RHCG: variants seen among roughly 807,000 people sequenced by gnomAD.
RHCG encodes Rh family C glycoprotein, also known as ammonium transporter Rh type C.
Under a neutral mutation model 55.3 loss-of-function variants are expected in RHCG, and 39 were observed. The observed-to-expected ratio is 0.70, with a 90% confidence interval of 0.55 to 0.92. The LOEUF (loss-of-function observed/expected upper bound fraction) is 0.92. Ranked by LOEUF, RHCG falls within the 40% of genes least tolerant of loss-of-function variation. The probability of loss-of-function intolerance (pLI) is 0.00; values close to 1 mark genes in which losing one functional copy is unlikely to be tolerated. For synonymous variants in RHCG, 250 were observed against 246.8 expected, an observed-to-expected ratio of 1.01 and a Z score of -0.12; for missense variants, 635 against 627.9, an observed-to-expected ratio of 1.01 and a Z score of -0.12.
chr15:89,480,422 G>A lies in RHCG; in HGVS notation c.523-14C>T, dbSNP rs751217017. 39 of 1,608,812 alleles carry A rather than the reference G, an allele frequency of 2.4e-5. No homozygotes were observed. In the Admixed American group the frequency reaches 6.5e-4, roughly 27 times the overall value. On this transcript the variant is annotated splice_polypyrimidine_tract_variant and intron_variant, in intron 3 of 10. Transcript: ENST00000268122. ...TGCATCCTTCACCTGGGGTGCAAGG[G>A]GCCTGTCAGACTCTGGCACCTTCTC...
chr15:89,473,531 G>A (rs1166604290), intron 9 of RHCG, among the ~76,000 whole-genome samples: 1 of 152,186 alleles, frequency 6.6e-6, no homozygotes, highest in African/African-American at 2.4e-5. Context: ...GGTACAGCCA[G>A]CCCTCCATAC....
At position 89,480,278 on chromosome 15, in the gene RHCG, T is replaced by C. The variant is rs1453064519; in HGVS notation, c.653A>G (p.Asp218Gly). 1 of 1,613,994 alleles carries C rather than the reference T, an allele frequency of 6.2e-7. No individual in the cohort carries two copies. The highest frequency in any genetic ancestry group is 8.5e-7 in the Non-Finnish European group (1 of 1,179,978). The change falls in exon 4 of 11, where the codon GAC becomes GGC. Residue 218 changes from aspartate to glycine, a missense_variant. By Grantham distance (94) the Asp-to-Gly change is moderately conservative (BLOSUM62 -1). Transcript: ENST00000268122. ...GTTCTCACCAATCATGGCAAAGAGG[T>C]CCGACTGGTACACAGAATTCTGTCT... Reference protein sequence around the residue: ...KERQNSVYQSDLFAMIGTLFL... With the variant: ...KERQNSVYQSGLFAMIGTLFL...
chr15:89,491,426 A>G (rs368889348), intron 1 of RHCG, among the ~76,000 whole-genome samples: 45 of 152,280 alleles, frequency 3.0e-4, no homozygotes, highest in African/African-American at 1.0e-3. Context: ...CAGCATCAAA[A>G]TGTATCCATT....
At chr15:89,480,514 G>T (rs911261438) in intron 3 of RHCG, 106 bp from the exon 4 acceptor site, 2 of 1,358,376 alleles carry the variant, frequency 1.5e-6, no homozygotes, top group East Asian at 2.3e-5. Flanking sequence ...CAGCCTTCTC[G>T]GACTCTTCAG....
At chr15:89,472,380 C>T (rs1296877243) in intron 10 of RHCG, among the ~76,000 whole-genome samples, 2 of 152,138 alleles carry the variant, frequency 1.3e-5, no homozygotes, top group Non-Finnish European at 2.9e-5. Context: ...ATGAGGAAAT[C>T]GAGGCCCAGT....
rs371115346 is a variant in RHCG, at chr15:89,479,457, G to A, written c.702C>T (p.Ser234=). ...GTLFLWMYWP[S]FNSAISYHGD... is the part of the protein sequence containing the mutation. The stretch of plus-strand genomic sequence containing the variant: ...CATGGTAGGATATGGCTGAGTTGAA[G>A]CTGGGCCAGTACATCCACAGGAAGA... Residue 234 remains serine, a synonymous_variant, in exon 5 of 11, where the codon AGC becomes AGT. Coordinates refer to ENST00000268122, the MANE Select transcript of RHCG (RefSeq NM_016321.3). 44 of 1,613,614 alleles carry A rather than the reference G, an allele frequency of 2.7e-5. No individual in the cohort carries two copies. The highest frequency in any genetic ancestry group is 3.6e-5 in the Non-Finnish European group (43 of 1,179,854).
At chr15:89,476,882 C>T (rs1212775238) in intron 8 of RHCG, 54 bp from the exon 9 acceptor site, 7 of 1,564,854 alleles carry the variant, frequency 4.5e-6, no homozygotes, top group Non-Finnish European at 6.2e-6. Context: ...CTCTGCTCAC[C>T]CCAGCCATTT....
At chr15:89,484,100 C>T (rs1478966236) in intron 2 of RHCG, among the ~76,000 whole-genome samples, 1 of 151,990 alleles carries the variant, frequency 6.6e-6, no homozygotes, top group African/African-American at 2.4e-5. Flanking sequence ...GGGGGTCTGT[C>T]ACATCTAGAA....
intron 1 of RHCG, among the ~76,000 whole-genome samples, 159 bp from the exon 2 acceptor site, chr15:89,487,144 A>C (rs1381790509): frequency 1.3e-5 from 2 of 151,530 alleles, no homozygotes; most frequent in Non-Finnish European, 2.9e-5. Flanking sequence ...CCCCACCCCC[A>C]CATCTGAACC....
chr15:89,484,779 C>CAA lies in RHCG; in HGVS notation c.372-1564_372-1563dup, dbSNP rs59658119. The stretch of plus-strand genomic sequence containing the variant: ...TGGGTGATAGAGCAAAACTCAGTCT[C>CAA]AAAAAAAAAAAAAAAAAAAATGGAG... On this transcript the variant is annotated intron_variant, in intron 2 of 10. Transcript: ENST00000268122. Among the ~76,000 whole-genome samples, 297 of 101,384 alleles carry CAA rather than the reference C, an allele frequency of 2.9e-3. 5 individuals are homozygous for CAA. The highest frequency in any genetic ancestry group is 9.4e-3 in the African/African-American group (265 of 28,154). The allele number at this position is 101,384 out of a possible 152,430, so 66.5% of individuals were successfully genotyped here.
intron 3 of RHCG, among the ~76,000 whole-genome samples, chr15:89,481,192 G>GGC (rs1961259895): frequency 6.6e-6 from 1 of 152,238 alleles, no homozygotes; most frequent in South Asian, 2.1e-4. Flanking sequence ...GCTCATGCCT[G>GGC]TAATCCCAGC....
Position 89,480,189 on chromosome 15 carries a change from C to T in RHCG, c.670+72G>A, listed in dbSNP as rs922114568. The T allele has an allele frequency of 2.6e-5, 42 of 1,594,212 alleles. No individual in the cohort carries two copies. In the East Asian group the frequency reaches 9.2e-4, roughly 35 times the overall value. On this transcript the variant is annotated intron_variant, in intron 4 of 10. Transcript: ENST00000268122. ...ACCCATCATGGTGGCCTTCACCCAT[C>T]ATGGCTGCCTTCACCCATCATGGCC...
rs766392481 is a variant in RHCG, at chr15:89,493,144, T to A, written c.184+3217A>T. On this transcript the variant is annotated intron_variant, in intron 1 of 10. Coordinates refer to ENST00000268122, the MANE Select transcript of RHCG (RefSeq NM_016321.3). ...CTGCTTCGGCCTCATGACACAGTCC[T>A]CCCGGTGTTTGAAACCAGAGCTTCC... Among the ~76,000 whole-genome samples, 3 of 152,272 alleles carry A rather than the reference T, an allele frequency of 2.0e-5. No homozygotes were observed. The East Asian group carries it at 5.8e-4, about 29-fold the overall frequency.
intron 3 of RHCG, 149 bp from the exon 4 acceptor site, chr15:89,480,557 C>G (rs575655349): frequency 3.4e-6 from 3 of 875,904 alleles, no homozygotes; most frequent in Non-Finnish European, 5.3e-6. Flanking sequence ...CTTCACGGAC[C>G]AATCAACTGG....
At chr15:89,474,336 C>G (rs942779046) in intron 9 of RHCG, among the ~76,000 whole-genome samples, 1 of 152,148 alleles carries the variant, frequency 6.6e-6, no homozygotes, top group Non-Finnish European at 1.5e-5. Flanking sequence ...CATGAAGTTA[C>G]CTTATAGTAG....
chr15:89,493,044 C>T (rs1020812569), intron 1 of RHCG, among the ~76,000 whole-genome samples: 2 of 152,200 alleles, frequency 1.3e-5, no homozygotes, highest in Non-Finnish European at 2.9e-5. Context: ...GTGATGCACC[C>T]GAATGGGATC....
Position 89,477,567 on chromosome 15 carries a change from C to T in RHCG, c.1062G>A (p.Val354=). 1 of 1,614,148 alleles carries T rather than the reference C, an allele frequency of 6.2e-7. No homozygotes were observed. Among genetic ancestry groups the T allele is most frequent in the South Asian group, 1.1e-5 (1 of 91,082 alleles). ...HGIPGIIGGI[V]GAVTAASASL... ...TGGCGGAGGCCGCTGTCACAGCACCCACGATGCCGCCTATGATGCCAGGAA... is the reference window on the plus strand; with the variant it reads ...TGGCGGAGGCCGCTGTCACAGCACCTACGATGCCGCCTATGATGCCAGGAA... Residue 354 remains valine, a synonymous_variant, in exon 7 of 11, where the codon GTG becomes GTA. Coordinates refer to ENST00000268122, the MANE Select transcript of RHCG (RefSeq NM_016321.3). The surrounding 1 kb of genome is among the most constrained non-coding windows in gnomAD (Gnocchi z 4.5).
chr15:89,486,295 C>T (rs1187942794), intron 2 of RHCG: 3 of 456,586 alleles, frequency 6.6e-6, no homozygotes, highest in East Asian at 1.4e-4. Flanking sequence ...AGTCCCCATT[C>T]GGTGTTTCCT....
rs748931576 is a variant in RHCG, at chr15:89,476,765, A to G, written c.1301T>C (p.Val434Ala). 7 of 1,614,042 alleles carry G rather than the reference A, an allele frequency of 4.3e-6. No homozygotes were observed. Among genetic ancestry groups the G allele is most frequent in the Non-Finnish European group, 5.9e-6 (7 of 1,179,930 alleles). Residue 434 changes from valine to alanine, a missense_variant, in exon 9 of 11, where the codon GTC becomes GCC. Val to Ala is a moderately conservative substitution (Grantham distance 64, BLOSUM62 0). Coordinates refer to ENST00000268122, the MANE Select transcript of RHCG (RefSeq NM_016321.3). ...GTCCCTGGAACTCACCTCCCAGTAG[A>G]CCGCATCCTCAAAGCAGTTCTCATC... The part of the protein sequence containing the change: ...PSDENCFEDA[V>A]YWEMPEGNST...
Sources: allele counts gnomAD v4.1 joint callset (sites outside exome capture counted in the v4.1 genomes callset), GRCh38; gene constraint gnomAD v4.1.1; non-coding constraint Gnocchi (gnomAD v3.1); transcripts MANE v1.5; gene names NCBI Gene and HGNC (gene_info 2026-07-23, HGNC 2026-07-21).